The following ZNF423 variants were observed in gnomAD, a reference collection of about 807,000 sequenced individuals.
The protein encoded by ZNF423 is zinc finger protein 423, also known as Ebf-associated zinc finger protein.
In ZNF423, 12 loss-of-function variants were observed where a neutral mutation model predicts 95.8. That is an observed-to-expected ratio of 0.13 (90% confidence interval 0.08 to 0.20). The LOEUF (loss-of-function observed/expected upper bound fraction) is 0.20. ZNF423 is among the 10% of genes least tolerant of loss of function. The pLI is 1.00. For synonymous variants in ZNF423, 749 were observed against 711.9 expected, an observed-to-expected ratio of 1.05 and a Z score of -0.83; for missense variants, 1,316 against 1,737.1, an observed-to-expected ratio of 0.76 and a Z score of 4.31.
At chr16:49,665,031 T>A (rs1307709909) in intron 3 of ZNF423, among the ~76,000 whole-genome samples, 6 of 152,068 alleles carry the variant, frequency 3.9e-5, no homozygotes, top group Admixed American at 3.9e-4. Context: ...CTTGGTCAGG[T>A]TATCAGCTGA....
intron 1 of ZNF423, among the ~76,000 whole-genome samples, chr16:49,842,911 G>A (rs1266421751): frequency 2.0e-5 from 3 of 151,504 alleles, no homozygotes; most frequent in South Asian, 4.2e-4. Flanking sequence ...CCCGGGAGGC[G>A]GAGGTTGCAG....
At chr16:49,706,280 T>G (rs1437211811) in intron 3 of ZNF423, among the ~76,000 whole-genome samples, 1 of 152,224 alleles carries the variant, frequency 6.6e-6, no homozygotes, top group Non-Finnish European at 1.5e-5. Flanking sequence ...TAGTTTCCAT[T>G]TAACAATTGG....
intron 3 of ZNF423, among the ~76,000 whole-genome samples, chr16:49,697,366 C>T (rs2032014500): frequency 6.6e-6 from 1 of 152,162 alleles, no homozygotes; most frequent in African/African-American, 2.4e-5. Flanking sequence ...AAAAGTCCCT[C>T]TGGCTTATCA....
intron 1 of ZNF423, among the ~76,000 whole-genome samples, chr16:49,806,767 G>C (rs376367574): frequency 6.6e-6 from 1 of 151,450 alleles, no homozygotes; most frequent in Non-Finnish European, 1.5e-5. Flanking sequence ...TGTGACTCAC[G>C]CCTGTAATCC....
chr16:49,573,346 C>T (rs898416683), intron 5 of ZNF423, among the ~76,000 whole-genome samples: 1 of 152,210 alleles, frequency 6.6e-6, no homozygotes, highest in Admixed American at 6.5e-5. Context: ...CCAATTGAAA[C>T]CTCTTCTCTC....
At chr16:49,567,615 G>A (rs977423754) in intron 5 of ZNF423, among the ~76,000 whole-genome samples, 2 of 152,186 alleles carry the variant, frequency 1.3e-5, no homozygotes, top group South Asian at 4.2e-4. Flanking sequence ...GCACTCACCA[G>A]GGAAAAGGGA....
intron 3 of ZNF423, among the ~76,000 whole-genome samples, chr16:49,654,267 A>G (rs1973523203): frequency 6.6e-6 from 1 of 152,104 alleles, no homozygotes; most frequent in Admixed American, 6.5e-5. Context: ...AGCCCAACCC[A>G]TGACTTGGGG....
In ZNF423 at chr16:49,737,746, G is replaced by A. The variant is rs187292286; in HGVS notation, c.101-6775C>T. On this transcript the variant is annotated intron_variant, in intron 2 of 7. Transcript: ENST00000563137. ...TTTCCTACCTTCCCAGCAGGGCTTC[G>A]CAAGGTCATGAGCCAGGGCCACCAG... Among the ~76,000 whole-genome samples, 11 of 152,330 alleles carry A rather than the reference G, an allele frequency of 7.2e-5. No individual in the cohort carries two copies. The East Asian group carries it at 1.5e-3, about 21-fold the overall frequency.
chr16:49,548,733 C>T (rs1181971266), intron 5 of ZNF423, among the ~76,000 whole-genome samples: 2 of 152,180 alleles, frequency 1.3e-5, no homozygotes, highest in African/African-American at 2.4e-5. Context: ...CCTTGCTCCT[C>T]GCTGCCAGGC....
chr16:49,745,268 T>C (rs1214401504), intron 2 of ZNF423, among the ~76,000 whole-genome samples: 1 of 152,226 alleles, frequency 6.6e-6, no homozygotes, highest in Non-Finnish European at 1.5e-5. Flanking sequence ...AGACTGCTCA[T>C]AATTATTGCT....
chr16:49,815,765 T>C (rs2034826366), intron 1 of ZNF423, among the ~76,000 whole-genome samples: 1 of 150,972 alleles, frequency 6.6e-6, no homozygotes, highest in Non-Finnish European at 1.5e-5. Context: ...CCATCCTCAC[T>C]GTACAGGAAC....
intron 5 of ZNF423, among the ~76,000 whole-genome samples, chr16:49,583,053 C>G (rs1243324804): frequency 6.6e-6 from 1 of 152,194 alleles, no homozygotes; most frequent in Non-Finnish European, 1.5e-5. Flanking sequence ...CCTTTCTGTT[C>G]CTGCCTGGCT....
At chr16:49,802,804 C>T (rs915438085) in intron 1 of ZNF423, among the ~76,000 whole-genome samples, 2 of 152,194 alleles carry the variant, frequency 1.3e-5, no homozygotes, top group East Asian at 1.9e-4. Flanking sequence ...CCATGTACAA[C>T]GTAGAAAACT....
At chr16:49,596,402 C>T (rs1971179607) in intron 5 of ZNF423, among the ~76,000 whole-genome samples, 1 of 152,166 alleles carries the variant, frequency 6.6e-6, no homozygotes, top group Admixed American at 6.5e-5. Flanking sequence ...TTCCTTCCCC[C>T]TCGATTCCAG....
At chr16:49,656,216 TG>T (rs1433320453) in intron 3 of ZNF423, among the ~76,000 whole-genome samples, 2 of 152,128 alleles carry the variant, frequency 1.3e-5, no homozygotes, top group Non-Finnish European at 2.9e-5. Context: ...GAATAAAGAA[TG>T]GGCAAGCGGA....
intron 5 of ZNF423, among the ~76,000 whole-genome samples, chr16:49,537,243 T>C (rs1487978672): frequency 1.3e-5 from 2 of 152,200 alleles, no homozygotes; most frequent in Non-Finnish European, 2.9e-5. Context: ...AGTCATATGG[T>C]GGATCAATAG....
At chr16:49,725,060 G>A (rs2032972800) in intron 3 of ZNF423, among the ~76,000 whole-genome samples, 1 of 152,136 alleles carries the variant, frequency 6.6e-6, no homozygotes, top group Admixed American at 6.5e-5. Context: ...CTGTAACCTT[G>A]AGCAAGGTCC....
intron 5 of ZNF423, among the ~76,000 whole-genome samples, chr16:49,572,759 G>A (rs1028405877): frequency 6.6e-6 from 1 of 152,166 alleles, no homozygotes; most frequent in Admixed American, 6.5e-5. Context: ...TACAAAGGAC[G>A]AGAACATGAG....
intron 5 of ZNF423, among the ~76,000 whole-genome samples, chr16:49,596,145 G>GT (rs1971171259): frequency 6.6e-6 from 1 of 152,030 alleles, no homozygotes; most frequent in South Asian, 2.1e-4. Flanking sequence ...AAATAGCTAT[G>GT]TTCTTTACGG....
Sources: allele counts gnomAD v4.1 joint callset (sites outside exome capture counted in the v4.1 genomes callset), GRCh38; gene constraint gnomAD v4.1.1; transcripts MANE v1.5; gene names NCBI Gene and HGNC (gene_info 2026-07-23, HGNC 2026-07-21).